Variants in CDKN2B-AS1 observed in about 807,000 individuals in gnomAD.
CDKN2B-AS1 encodes the protein CDKN2B antisense RNA 1 (non-protein coding).
intron 4 of CDKN2B-AS1, among the ~76,000 whole-genome samples, chr9:22,092,128 T>G (rs1256559513): frequency 6.6e-6 from 1 of 152,218 alleles, no homozygotes; most frequent in East Asian, 1.9e-4. Context: ...TTATGTTTAT[T>G]GATTTGCGTA....
chr9:22,080,233 T>A (rs762197648), intron 4 of CDKN2B-AS1, among the ~76,000 whole-genome samples: 1 of 152,234 alleles, frequency 6.6e-6, no homozygotes, highest in Non-Finnish European at 1.5e-5. Flanking sequence ...TTGGTAATGT[T>A]GCAAGAACAG....
intron 1 of CDKN2B-AS1, chr9:22,012,398 C>G (rs1163616946): frequency 3.7e-6 from 3 of 813,330 alleles, no homozygotes; most frequent in Admixed American, 1.8e-5. Context: ...TGAGCCTTCA[C>G]TCTTCCAGCT....
chr9:22,073,439 C>A (rs1824375047), intron 4 of CDKN2B-AS1, among the ~76,000 whole-genome samples: 1 of 152,126 alleles, frequency 6.6e-6, no homozygotes, highest in Non-Finnish European at 1.5e-5. Flanking sequence ...CACACCAAGC[C>A]ATGTGTATTT....
chr9:22,079,430 G>T (rs1255469490), intron 4 of CDKN2B-AS1, among the ~76,000 whole-genome samples: 1 of 151,158 alleles, frequency 6.6e-6, no homozygotes, highest in East Asian at 1.9e-4. Context: ...GGAGGTTACA[G>T]TAAGCCGAGA....
intron 4 of CDKN2B-AS1, chr9:22,058,594 TAACA>T (rs1429810277): frequency 6.6e-6 from 1 of 152,238 alleles, no homozygotes; most frequent in Non-Finnish European, 1.5e-5. Flanking sequence ...TATGCTGTGG[TAACA>T]AACAACCTCA....
At position 22,103,977 on chromosome 9, in the gene CDKN2B-AS1, G is replaced by A. The variant is rs111893780; in HGVS notation, n.439-23126G>A. Among the ~76,000 whole-genome samples, 438 of 152,220 alleles carry A rather than the reference G, an allele frequency of 2.9e-3. 4 individuals are homozygous for A. The highest frequency in any genetic ancestry group is 0.01 in the African/African-American group (419 of 41,534). On this transcript the variant is annotated intron_variant and non_coding_transcript_variant, in intron 4 of 4. Transcript: ENST00000650946. ...ATTTTATCTATAAATATACATATAC[G>A]TAAATTCTATTGTGAAATAAAAATA... is the stretch of plus-strand genomic sequence containing the variant.
intron 4 of CDKN2B-AS1, among the ~76,000 whole-genome samples, chr9:22,090,016 C>T (rs1446496885): frequency 7.3e-6 from 1 of 137,850 alleles, no homozygotes; most frequent in Non-Finnish European, 1.5e-5. Context: ...TGTGATGTTC[C>T]CCTTCCTGTG....
intron 1 of CDKN2B-AS1, among the ~76,000 whole-genome samples, chr9:22,018,857 T>C (rs1345785753): frequency 6.6e-6 from 1 of 152,174 alleles, no homozygotes; most frequent in Non-Finnish European, 1.5e-5. Flanking sequence ...TACACTATAT[T>C]CTAGGTACAG....
chr9:22,018,828 G>T (rs1406452339), intron 1 of CDKN2B-AS1, among the ~76,000 whole-genome samples: 1 of 151,920 alleles, frequency 6.6e-6, no homozygotes, highest in Admixed American at 6.6e-5. Context: ...AAAATATTGA[G>T]CCCCCCCAAT....
intron 4 of CDKN2B-AS1, chr9:22,064,071 T>A (rs1349312571): frequency 6.6e-6 from 1 of 152,084 alleles, no homozygotes; most frequent in Non-Finnish European, 1.5e-5. Context: ...TAGTAGGAGA[T>A]TTGTTACTGA....
At chr9:22,079,856 C>G (rs775275520) in intron 4 of CDKN2B-AS1, among the ~76,000 whole-genome samples, 1 of 152,204 alleles carries the variant, frequency 6.6e-6, no homozygotes, top group Non-Finnish European at 1.5e-5. Flanking sequence ...ATTTGTCACA[C>G]TTCGTTGAAA....
chr9:22,081,008 G>A (rs1275685335), intron 4 of CDKN2B-AS1, among the ~76,000 whole-genome samples: 1 of 152,072 alleles, frequency 6.6e-6, no homozygotes, highest in Non-Finnish European at 1.5e-5. Flanking sequence ...TCTCCACTCC[G>A]ACTACCTAGA....
intron 1 of CDKN2B-AS1, among the ~76,000 whole-genome samples, chr9:22,019,721 G>A (rs1319382945): frequency 2.0e-5 from 3 of 152,114 alleles, no homozygotes; most frequent in Non-Finnish European, 4.4e-5. Context: ...CTGTAGTAAT[G>A]CAATTTTCTC....
chr9:22,061,247 T>G (rs1823807330), intron 4 of CDKN2B-AS1, among the ~76,000 whole-genome samples: 1 of 152,180 alleles, frequency 6.6e-6, no homozygotes. Flanking sequence ...GCCTCCCATT[T>G]CTGGAACTCT....
In CDKN2B-AS1 at chr9:22,125,534, A is replaced by G. The variant is rs180960747; in HGVS notation, n.439-1569A>G. ...GCAGCCACTCGCAGAGGTAAGCAAG[A>G]TATATGGTAAATACTGTGTTGACAA... is the stretch of plus-strand genomic sequence containing the variant. On this transcript the variant is annotated intron_variant and non_coding_transcript_variant, in intron 4 of 4. Coordinates refer to ENST00000650946, the Ensembl canonical transcript of CDKN2B-AS1. Among the ~76,000 whole-genome samples, 16 of 152,338 alleles carry G rather than the reference A, an allele frequency of 1.1e-4. No individual in the cohort carries two copies. The East Asian group carries it at 2.7e-3, about 26-fold the overall frequency.
chr9:22,095,974 G>A (rs904773433), intron 4 of CDKN2B-AS1, among the ~76,000 whole-genome samples: 1 of 151,946 alleles, frequency 6.6e-6, no homozygotes, highest in Non-Finnish European at 1.5e-5. Context: ...TTGAGCCTAT[G>A]TGTGTTTCTG....
Position 22,001,275 on chromosome 9 carries a change from A to T in CDKN2B-AS1, n.29+6114A>T, listed in dbSNP as rs2131167553. On this transcript the variant is annotated intron_variant and non_coding_transcript_variant, in intron 1 of 4. Transcript: ENST00000650946. The surrounding 1 kb of genome is among the most constrained non-coding windows in gnomAD (Gnocchi z 4.2). ...AAAGTTTTGAGTGGAACTCTGTTGTAAAATATTTTCTGTGCCAGAGCTGAC... is the reference window on the plus strand; with the variant it reads ...AAAGTTTTGAGTGGAACTCTGTTGTTAAATATTTTCTGTGCCAGAGCTGAC... 6.6e-6 allele frequency among the ~76,000 whole-genome samples: 1 copy of T among 152,268 alleles called. No homozygotes were observed. The highest frequency in any genetic ancestry group is 1.5e-5 in the Non-Finnish European group (1 of 67,992).
intron 4 of CDKN2B-AS1, among the ~76,000 whole-genome samples, chr9:22,061,217 G>A (rs1823806175): frequency 6.6e-6 from 1 of 152,136 alleles, no homozygotes; most frequent in Non-Finnish European, 1.5e-5. Flanking sequence ...GAAGTTCTCA[G>A]TCTGGAACTC....
intron 4 of CDKN2B-AS1, among the ~76,000 whole-genome samples, chr9:22,060,806 A>G (rs1305864316): frequency 5.9e-5 from 9 of 152,210 alleles, no homozygotes; most frequent in Non-Finnish European, 1.0e-4. Context: ...TGGCAGTGGC[A>G]AGAGTAAAAT....
Sources: allele counts gnomAD v4.1 joint callset (sites outside exome capture counted in the v4.1 genomes callset), GRCh38; gene constraint gnomAD v4.1.1; non-coding constraint Gnocchi (gnomAD v3.1); transcripts MANE v1.5; gene names NCBI Gene and HGNC (gene_info 2026-07-23, HGNC 2026-07-21).